Variants in PCDHA2 observed in about 807,000 individuals in gnomAD.
PCDHA2 encodes protocadherin alpha 2.
PCDHA2 carries 58 observed loss-of-function variants against 66.0 expected under a neutral mutation model. The ratio of observed to expected loss-of-function variants is 0.88; its 90% CI spans 0.71 to 1.09. PCDHA2 has a LOEUF of 1.09. PCDHA2 is among the 50% of genes least tolerant of loss of function. The pLI is 0.00. For synonymous variants in PCDHA2, 634 were observed against 554.0 expected, an observed-to-expected ratio of 1.14 and a Z score of -2.03; for missense variants, 1,267 against 1,242.3, an observed-to-expected ratio of 1.02 and a Z score of -0.30.
At chr5:140,869,463 C>T (rs1554163094) in intron 1 of PCDHA2, 1 of 1,614,148 alleles carries the variant, frequency 6.2e-7, no homozygotes, top group South Asian at 1.1e-5. Context: ...TCCATGTGAA[C>T]GTGGAGGTGA....
At chr5:140,927,475 C>A in intron 1 of PCDHA2, 1 of 1,614,110 alleles carries the variant, frequency 6.2e-7, no homozygotes, top group Non-Finnish European at 8.5e-7. Flanking sequence ...GGATCGCGAA[C>A]AGCGCGCCAC....
rs548122977 is a variant in PCDHA2 at position 141,010,588 on chromosome 5, T to C, written c.*651T>C. ...AGGCTTTAGGAGACCCTAAAGTCTG[T>C]TGGCTGTGACGTCATTATACCTAAA... On this transcript the variant is annotated 3_prime_UTR_variant, in exon 4 of 4. Coordinates refer to ENST00000526136, the MANE Select transcript of PCDHA2 (RefSeq NM_018905.3). 5 of 233,334 alleles carry C rather than the reference T, an allele frequency of 2.1e-5. No individual in the cohort carries two copies. In the East Asian group the frequency reaches 4.8e-4, roughly 22 times the overall value. 14.5% of individuals were successfully genotyped at this position (233,334 alleles called of 1,614,324 possible).
chr5:140,800,810 T>C (rs868969660), intron 1 of PCDHA2, among the ~76,000 whole-genome samples: 2 of 152,224 alleles, frequency 1.3e-5, no homozygotes, highest in Admixed American at 6.5e-5. Context: ...AATATTTTAG[T>C]GTATGTCATG....
chr5:140,841,373 C>T, intron 1 of PCDHA2: 1 of 1,613,502 alleles, frequency 6.2e-7, no homozygotes, highest in East Asian at 2.2e-5. Flanking sequence ...ACTACTCTTG[C>T]TTCTGCTCCT....
At chr5:140,893,264 A>G (rs1554185566) in intron 1 of PCDHA2, among the ~76,000 whole-genome samples, 1 of 152,172 alleles carries the variant, frequency 6.6e-6, no homozygotes, top group East Asian at 1.9e-4. Flanking sequence ...ATAAATGCCC[A>G]ATAGTGGAAT....
At chr5:140,991,539 C>T (rs1458315356) in intron 3 of PCDHA2, among the ~76,000 whole-genome samples, 3 of 152,164 alleles carry the variant, frequency 2.0e-5, no homozygotes, top group Admixed American at 6.6e-5. Context: ...CACTATATAA[C>T]AAGGATCCAC....
chr5:140,839,283 C>A (rs1309701563), intron 1 of PCDHA2, among the ~76,000 whole-genome samples: 1 of 151,960 alleles, frequency 6.6e-6, no homozygotes, highest in Non-Finnish European at 1.5e-5. Context: ...ACCTTCCTAG[C>A]ATATTATTAA....
At chr5:140,829,746 A>G (rs1255016400) in intron 1 of PCDHA2, 1 of 1,613,582 alleles carries the variant, frequency 6.2e-7, no homozygotes, top group Non-Finnish European at 8.5e-7. Flanking sequence ...GTGACGCTGC[A>G]GGTGTTCGTG....
intron 1 of PCDHA2, chr5:140,848,467 A>C: frequency 6.5e-7 from 1 of 1,545,570 alleles, no homozygotes; most frequent in Non-Finnish European, 8.8e-7. Context: ...GGCAATTTTC[A>C]CTAATTAGAA....
chr5:140,921,715 G>A (rs1313930887), intron 1 of PCDHA2, among the ~76,000 whole-genome samples: 9 of 152,080 alleles, frequency 5.9e-5, no homozygotes, highest in African/African-American at 1.7e-4. Flanking sequence ...GTAAACACAC[G>A]AATTACTCCC....
chr5:140,802,361 G>C (rs781990973), intron 1 of PCDHA2: 3 of 1,614,220 alleles, frequency 1.9e-6, no homozygotes, highest in Admixed American at 3.3e-5. Context: ...TCACCTGCTC[G>C]CTGACGCCCC....
intron 1 of PCDHA2, chr5:140,852,586 T>TA (rs1469930347): frequency 1.0e-5 from 9 of 878,452 alleles, no homozygotes; most frequent in Non-Finnish European, 1.1e-5. Flanking sequence ...TTTTTTATTT[T>TA]TTTTTTTTGT....
At chr5:140,999,521 T>C (rs1554256849) in intron 3 of PCDHA2, among the ~76,000 whole-genome samples, 1 of 152,106 alleles carries the variant, frequency 6.6e-6, no homozygotes, top group Non-Finnish European at 1.5e-5. Flanking sequence ...AGCATTTTGT[T>C]ACCCCCTGGA....
At chr5:140,811,800 T>C (rs1266055715) in intron 1 of PCDHA2, 5 of 152,238 alleles carry the variant, frequency 3.3e-5, no homozygotes, top group African/African-American at 9.6e-5. Flanking sequence ...AATGTCTTCT[T>C]TTGAGAAGTG....
intron 3 of PCDHA2, among the ~76,000 whole-genome samples, chr5:140,985,728 C>G (rs2097165709): frequency 6.7e-6 from 1 of 148,846 alleles, no homozygotes; most frequent in Admixed American, 6.8e-5. Flanking sequence ...TTTTCCTTCA[C>G]TGATGAATTC....
chr5:140,838,277 C>A (rs1372363386), intron 1 of PCDHA2, among the ~76,000 whole-genome samples: 1 of 74,748 alleles, frequency 1.3e-5, no homozygotes, highest in South Asian at 4.1e-4. Context: ...CCAAGCCATG[C>A]TAATTTTTTT....
At chr5:140,935,310 C>T (rs569890065) in intron 1 of PCDHA2, among the ~76,000 whole-genome samples, 2 of 152,200 alleles carry the variant, frequency 1.3e-5, no homozygotes, top group Non-Finnish European at 2.9e-5. Flanking sequence ...TACTTAACTT[C>T]ATCAATCTTA....
At chr5:140,828,670 G>A in intron 1 of PCDHA2, 1 of 1,614,164 alleles carries the variant, frequency 6.2e-7, no homozygotes, top group Non-Finnish European at 8.5e-7. Flanking sequence ...AACAAATTGG[G>A]CTCTTATTAA....
intron 1 of PCDHA2, among the ~76,000 whole-genome samples, chr5:140,954,013 C>T (rs942687934): frequency 6.6e-6 from 1 of 152,172 alleles, no homozygotes; most frequent in African/African-American, 2.4e-5. Context: ...TCAGCTCCCA[C>T]ACATAGTGGG....
Sources: allele counts gnomAD v4.1 joint callset (sites outside exome capture counted in the v4.1 genomes callset), GRCh38; gene constraint gnomAD v4.1.1; transcripts MANE v1.5; gene names NCBI Gene and HGNC (gene_info 2026-07-23, HGNC 2026-07-21).